MAPKAP1: variants seen among roughly 807,000 people sequenced by gnomAD.
The protein encoded by MAPKAP1 is target of rapamycin complex 2 subunit MAPKAP1.
MAPKAP1 carries 20 observed loss-of-function variants against 65.7 expected under a neutral mutation model. The observed-to-expected ratio is 0.30, with a 90% CI of 0.21 to 0.44. The LOEUF (loss-of-function observed/expected upper bound fraction) is 0.44, where lower values mean the gene tolerates loss of function less well. MAPKAP1 is among the 20% of genes least tolerant of loss of function. The pLI, the probability that MAPKAP1 is intolerant of heterozygous loss-of-function variation, is 1.00. For missense variants in MAPKAP1, 423 were observed against 648.0 expected, an observed-to-expected ratio of 0.65 and a Z score of 3.77; for synonymous variants, 222 against 244.3, an observed-to-expected ratio of 0.91 and a Z score of 0.85.
At chr9:125,538,712 C>A (rs1318569370) in intron 7 of MAPKAP1, among the ~76,000 whole-genome samples, 1 of 152,142 alleles carries the variant, frequency 6.6e-6, no homozygotes, top group Non-Finnish European at 1.5e-5. Flanking sequence ...CCGAGAGGGG[C>A]TCCCCAAACA....
intron 4 of MAPKAP1, among the ~76,000 whole-genome samples, chr9:125,597,187 C>A (rs1832158278): frequency 7.0e-6 from 1 of 142,512 alleles, no homozygotes; most frequent in Admixed American, 7.5e-5. Flanking sequence ...ATGGCGTGAA[C>A]CCAGGAGGTG....
chr9:125,442,538 A>T (rs1852530884), intron 11 of MAPKAP1, among the ~76,000 whole-genome samples: 1 of 137,596 alleles, frequency 7.3e-6, no homozygotes, highest in Admixed American at 7.2e-5. Context: ...GCTGGCTATA[A>T]AAAAAAAAAA....
intron 1 of MAPKAP1, among the ~76,000 whole-genome samples, chr9:125,689,017 T>A (rs111438601): frequency 0.02 from 3,118 of 152,296 alleles, 41 homozygotes; most frequent in South Asian, 0.041. Context: ...TATCAGTTCA[T>A]TCAATAAGCA....
At chr9:125,577,129 G>T (rs1209633098) in intron 5 of MAPKAP1, among the ~76,000 whole-genome samples, 1 of 151,768 alleles carries the variant, frequency 6.6e-6, no homozygotes, top group Non-Finnish European at 1.5e-5. Flanking sequence ...TCTCTGCCCG[G>T]CCGCCCATCG....
chr9:125,580,853 G>A (rs1831602296), intron 5 of MAPKAP1, among the ~76,000 whole-genome samples: 1 of 152,040 alleles, frequency 6.6e-6, no homozygotes, highest in South Asian at 2.1e-4. Context: ...TTTACCACCC[G>A]TTTATAGTTG....
chr9:125,643,572 T>C (rs538587364), intron 4 of MAPKAP1, among the ~76,000 whole-genome samples: 29 of 152,324 alleles, frequency 1.9e-4, no homozygotes, highest in Admixed American at 1.0e-3. Context: ...ATAGATGTCA[T>C]TGTTTCAATC....
rs553991057 is a variant in MAPKAP1, at chr9:125,476,747, G to A, written c.1207+7696C>T. On this transcript the variant is annotated intron_variant, in intron 9 of 11. Transcript: ENST00000265960. ...ATAATAAAGTCTTCCTTTGAGTGCC[G>A]GCCTGTGGTTATTGACTAGTGGGTT... 8.3e-4 allele frequency among the ~76,000 whole-genome samples: 127 copies of A among 152,250 alleles called. 2 individuals are homozygous for A. The highest frequency in any genetic ancestry group is 3.9e-4 in the East Asian group (2 of 5,176).
chr9:125,600,301 C>T (rs1314468398), intron 4 of MAPKAP1, among the ~76,000 whole-genome samples: 2 of 151,632 alleles, frequency 1.3e-5, no homozygotes, highest in African/African-American at 4.8e-5. Context: ...ATTCTTGATA[C>T]TGGCAGTTTT....
intron 4 of MAPKAP1, among the ~76,000 whole-genome samples, chr9:125,620,044 C>G (rs1439135026): frequency 1.3e-5 from 2 of 152,222 alleles, no homozygotes; most frequent in African/African-American, 4.8e-5. Context: ...TGCAACGGCT[C>G]ACGCCTGTAA....
At chr9:125,571,343 C>T (rs1313049609) in intron 5 of MAPKAP1, among the ~76,000 whole-genome samples, 1 of 152,038 alleles carries the variant, frequency 6.6e-6, no homozygotes, top group African/African-American at 2.4e-5. Flanking sequence ...TTGTTTTAAT[C>T]CTCTTTAGAA....
In MAPKAP1 at chr9:125,641,758, G is replaced by A. The variant is rs149316124; in HGVS notation, c.498+15893C>T. Among the ~76,000 whole-genome samples, 73 of 152,142 alleles carry A rather than the reference G, an allele frequency of 4.8e-4. 1 individual carries two copies. The East Asian group carries it at 0.013, about 26-fold the overall frequency. On this transcript the variant is annotated intron_variant, in intron 4 of 11. Transcript: ENST00000265960. ...TTGTCTCTATAAAAATAGGCCAGGCGTGGTGGCTCATACCTGTAATCCCAG... is the reference window on the plus strand; with the variant it reads ...TTGTCTCTATAAAAATAGGCCAGGCATGGTGGCTCATACCTGTAATCCCAG...
In MAPKAP1 at chr9:125,438,805, A is replaced by T; in HGVS notation, c.*82T>A. ...GGGCTGGCCTCCCCCCGAGGACTTCAGGACACCGGGTGGACTCTAGGGCAC... is the reference window on the plus strand; with the variant it reads ...GGGCTGGCCTCCCCCCGAGGACTTCTGGACACCGGGTGGACTCTAGGGCAC... On this transcript the variant is annotated 3_prime_UTR_variant, in exon 12 of 12. Coordinates refer to ENST00000265960, the MANE Select transcript of MAPKAP1 (RefSeq NM_001006617.3). 1 of 1,580,126 alleles carries T rather than the reference A, an allele frequency of 6.3e-7. No homozygotes were observed. Among genetic ancestry groups the T allele is most frequent in the Non-Finnish European group, 8.6e-7 (1 of 1,158,178 alleles).
At chr9:125,525,330 T>C (rs951366511) in intron 7 of MAPKAP1, among the ~76,000 whole-genome samples, 6 of 152,184 alleles carry the variant, frequency 3.9e-5, no homozygotes, top group Non-Finnish European at 7.3e-5. Flanking sequence ...CATTCATAAA[T>C]GAGGAAAACG....
At chr9:125,661,690 G>A (rs1477738118) in intron 3 of MAPKAP1, among the ~76,000 whole-genome samples, 1 of 152,180 alleles carries the variant, frequency 6.6e-6, no homozygotes, top group Non-Finnish European at 1.5e-5. Context: ...GGAACAGAAA[G>A]TGAAGCTAGA....
At chr9:125,652,251 A>G (rs1833915598) in intron 4 of MAPKAP1, 2 of 1,264,120 alleles carry the variant, frequency 1.6e-6, no homozygotes, top group Non-Finnish European at 2.1e-6. Flanking sequence ...CATAGACTGG[A>G]ACAATGCTGA....
chr9:125,656,685 G>A (rs1588044633), intron 4 of MAPKAP1, among the ~76,000 whole-genome samples: 2 of 151,866 alleles, frequency 1.3e-5, no homozygotes, highest in South Asian at 2.1e-4. Flanking sequence ...CTGCAATGGC[G>A]CTGAAGTAAG....
rs371121059 is a variant in MAPKAP1, at chr9:125,531,372, T to C, written c.958+11687A>G. ...AAATGAACATGACAACTGATTCAAA[T>C]AGTTGTTTTAAGGATTAAAGTGTAA... On this transcript the variant is annotated intron_variant, in intron 7 of 11. Transcript: ENST00000265960. 3.3e-5 allele frequency among the ~76,000 whole-genome samples: 5 copies of C among 152,234 alleles called. No individual in the cohort carries two copies. The East Asian group carries it at 7.7e-4, about 23-fold the overall frequency.
intron 4 of MAPKAP1, among the ~76,000 whole-genome samples, chr9:125,639,523 T>C (rs564343759): frequency 2.6e-5 from 4 of 152,292 alleles, no homozygotes; most frequent in East Asian, 1.9e-4. Flanking sequence ...ATCATTAAAA[T>C]TGTTTAAATT....
intron 4 of MAPKAP1, among the ~76,000 whole-genome samples, chr9:125,643,785 T>C (rs1181794793): frequency 6.6e-6 from 1 of 152,214 alleles, no homozygotes; most frequent in Non-Finnish European, 1.5e-5. Flanking sequence ...AGGCTTTTGA[T>C]ATATATCACC....
Sources: allele counts gnomAD v4.1 joint callset (sites outside exome capture counted in the v4.1 genomes callset), GRCh38; gene constraint gnomAD v4.1.1; transcripts MANE v1.5; gene names NCBI Gene and HGNC (gene_info 2026-07-23, HGNC 2026-07-21).